Variants in MAP2K5 observed in about 807,000 individuals in gnomAD.
The protein encoded by MAP2K5 is mitogen-activated protein kinase kinase 5, also known as dual specificity mitogen-activated protein kinase kinase 5.
In MAP2K5, 49 loss-of-function variants were observed where a neutral mutation model predicts 83.1. The ratio of observed to expected loss-of-function variants is 0.59; its 90% CI spans 0.47 to 0.75. The LOEUF (loss-of-function observed/expected upper bound fraction) is 0.75. Ranked by LOEUF, MAP2K5 falls within the 30% of genes least tolerant of loss-of-function variation. MAP2K5 has a pLI of 0.00. For synonymous variants in MAP2K5, 202 were observed against 191.8 expected, an observed-to-expected ratio of 1.05 and a Z score of -0.44; for missense variants, 457 against 557.5, an observed-to-expected ratio of 0.82 and a Z score of 1.82.
chr15:67,607,231 G>C (rs1270917344), intron 8 of MAP2K5, among the ~76,000 whole-genome samples: 1 of 152,118 alleles, frequency 6.6e-6, no homozygotes, highest in African/African-American at 2.4e-5. Flanking sequence ...TTAAATATTT[G>C]TATATGACTG....
intron 21 of MAP2K5, among the ~76,000 whole-genome samples, chr15:67,803,788 G>A (rs2069875119): frequency 6.6e-6 from 1 of 152,208 alleles, no homozygotes; most frequent in Admixed American, 6.5e-5. Flanking sequence ...CTCTGGCTAG[G>A]CAGGCCTGAG....
At chr15:67,705,168 A>G (rs1200903601) in intron 16 of MAP2K5, among the ~76,000 whole-genome samples, 1 of 152,230 alleles carries the variant, frequency 6.6e-6, no homozygotes, top group Non-Finnish European at 1.5e-5. Context: ...GCATGGCACT[A>G]CTATAAGAGA....
intron 5 of MAP2K5, among the ~76,000 whole-genome samples, chr15:67,586,460 A>G (rs967577682): frequency 6.6e-6 from 1 of 152,210 alleles, no homozygotes; most frequent in South Asian, 2.1e-4. Flanking sequence ...GAAACATTCT[A>G]CATACAGTGT....
intron 11 of MAP2K5, among the ~76,000 whole-genome samples, chr15:67,656,129 T>C (rs1384148761): frequency 6.6e-6 from 1 of 152,118 alleles, no homozygotes; most frequent in East Asian, 1.9e-4. Context: ...AACTTTGGAA[T>C]CACGAGCAAA....
In MAP2K5 at chr15:67,775,917, T is replaced by C. The variant is rs142549463; in HGVS notation, c.1242+3165T>C. ...TGGTGGAGTTCAAACAGGCAACATA[T>C]TCACCACCAGCTGGGCAATCTCTTA... On this transcript the variant is annotated intron_variant, in intron 21 of 21. Coordinates refer to ENST00000178640, the MANE Select transcript of MAP2K5 (RefSeq NM_145160.3). This position sits in a 1 kb window ranked among gnomAD's most constrained non-coding sequence, Gnocchi z 5.3. 5.3e-5 allele frequency among the ~76,000 whole-genome samples: 8 copies of C among 152,274 alleles called. No homozygotes were observed. The highest frequency in any genetic ancestry group is 1.9e-4 in the African/African-American group (8 of 41,554).
At chr15:67,688,091 A>G (rs1320381403) in intron 13 of MAP2K5, among the ~76,000 whole-genome samples, 1 of 152,242 alleles carries the variant, frequency 6.6e-6, no homozygotes, top group Non-Finnish European at 1.5e-5. Context: ...AATCTAAAGC[A>G]AAGGAGCAAG....
chr15:67,658,074 T>C (rs912808003), intron 11 of MAP2K5, among the ~76,000 whole-genome samples: 9 of 152,088 alleles, frequency 5.9e-5, no homozygotes, highest in Admixed American at 1.3e-4. Flanking sequence ...TATTACATAT[T>C]GTTAAAATAG....
At chr15:67,602,671 G>T (rs905185402) in intron 8 of MAP2K5, among the ~76,000 whole-genome samples, 1 of 152,142 alleles carries the variant, frequency 6.6e-6, no homozygotes, top group Admixed American at 6.5e-5. Flanking sequence ...TGGTTGGTTT[G>T]TTTATTTTGA....
chr15:67,548,835 A>T (rs2084447510), intron 1 of MAP2K5, among the ~76,000 whole-genome samples: 3 of 152,240 alleles, frequency 2.0e-5, no homozygotes, highest in African/African-American at 7.2e-5. Context: ...AGAAAAAAAA[A>T]TCTCTTTTGG....
At chr15:67,739,983 A>G (rs908017925) in intron 17 of MAP2K5, among the ~76,000 whole-genome samples, 1 of 152,190 alleles carries the variant, frequency 6.6e-6, no homozygotes, top group East Asian at 1.9e-4. Flanking sequence ...AGGGGTTGGA[A>G]GGATGGGGGG....
chr15:67,683,233 G>A (rs558933890), intron 13 of MAP2K5, among the ~76,000 whole-genome samples: 1 of 152,260 alleles, frequency 6.6e-6, no homozygotes, highest in East Asian at 1.9e-4. Context: ...TGATACTTTG[G>A]ATATAAGGTA....
rs551431214 is a variant in MAP2K5, at chr15:67,690,814, G to A, written c.848-1665G>A. 6.4e-4 allele frequency among the ~76,000 whole-genome samples: 97 copies of A among 152,240 alleles called. No individual in the cohort carries two copies. Among genetic ancestry groups the A allele is most frequent in the African/African-American group, 2.2e-3 (92 of 41,540 alleles). On this transcript the variant is annotated intron_variant, in intron 13 of 21. Transcript: ENST00000178640. The surrounding 1 kb of genome is among the most constrained non-coding windows in gnomAD (Gnocchi z 4.3). ...CTCCCAAAGTGTTGGGATTACATGC[G>A]TGAGCCACTGCTCCCGGCCATGTAT... is the stretch of plus-strand genomic sequence containing the variant.
rs932336863 is a variant in MAP2K5 at position 67,577,126 on chromosome 15, G to A, written c.253-3628G>A. On this transcript the variant is annotated intron_variant, in intron 3 of 21. Transcript: ENST00000178640. This position sits in a 1 kb window ranked among gnomAD's most constrained non-coding sequence, Gnocchi z 4.1. Reference sequence around the variant, plus strand: ...AATTTTTTGTATTTTTAGTAGAGACGGGGTTTCACCTTGTTAGCCGGGATG... The same window carrying A: ...AATTTTTTGTATTTTTAGTAGAGACAGGGTTTCACCTTGTTAGCCGGGATG... 1.3e-5 allele frequency among the ~76,000 whole-genome samples: 2 copies of A among 151,368 alleles called. No individual in the cohort carries two copies. The highest frequency in any genetic ancestry group is 4.8e-5 in the African/African-American group (2 of 41,284).
rs940153843 is a variant in MAP2K5 at position 67,701,538 on chromosome 15, A to T, written c.973-1799A>T. 2.1e-4 allele frequency among the ~76,000 whole-genome samples: 32 copies of T among 152,238 alleles called. 1 individual carries two copies. Among genetic ancestry groups the T allele is most frequent in the Non-Finnish European group, 2.9e-5 (2 of 68,040 alleles). ...ATAATTCTGCTGTAGGAGTAGAGAA[A>T]GGTTTCACCCTCAAACAGGATCTGT... On this transcript the variant is annotated intron_variant, in intron 15 of 21. Coordinates refer to ENST00000178640, the MANE Select transcript of MAP2K5 (RefSeq NM_145160.3).
intron 17 of MAP2K5, among the ~76,000 whole-genome samples, chr15:67,740,492 G>A (rs1269043238): frequency 3.3e-5 from 5 of 151,868 alleles, no homozygotes; most frequent in South Asian, 2.1e-4. Context: ...CTCAGGAGGC[G>A]GAGGTGGGAG....
At chr15:67,766,310 G>A (rs1254802959) in intron 19 of MAP2K5, among the ~76,000 whole-genome samples, 1 of 152,158 alleles carries the variant, frequency 6.6e-6, no homozygotes, top group Non-Finnish European at 1.5e-5. Flanking sequence ...GAAGTTCAAC[G>A]GAAAAGCATC....
intron 8 of MAP2K5, among the ~76,000 whole-genome samples, chr15:67,615,275 G>T (rs182845874): frequency 6.6e-6 from 1 of 152,290 alleles, no homozygotes; most frequent in East Asian, 1.9e-4. Flanking sequence ...TGGAATTATA[G>T]GTGTGAGCCA....
At chr15:67,734,181 A>G (rs1232225618) in intron 17 of MAP2K5, among the ~76,000 whole-genome samples, 1 of 152,250 alleles carries the variant, frequency 6.6e-6, no homozygotes, top group Non-Finnish European at 1.5e-5. Context: ...AGTTTGCTAA[A>G]TAATTGGGTA....
chr15:67,759,226 G>A (rs1433777730), intron 19 of MAP2K5, among the ~76,000 whole-genome samples: 1 of 152,068 alleles, frequency 6.6e-6, no homozygotes, highest in Non-Finnish European at 1.5e-5. Context: ...GGATGCTGAT[G>A]GCAAGAATGA....
Sources: allele counts gnomAD v4.1 joint callset (sites outside exome capture counted in the v4.1 genomes callset), GRCh38; gene constraint gnomAD v4.1.1; non-coding constraint Gnocchi (gnomAD v3.1); transcripts MANE v1.5; gene names NCBI Gene and HGNC (gene_info 2026-07-23, HGNC 2026-07-21).